Variants in RORA observed in about 807,000 individuals in gnomAD.
RORA encodes the protein nuclear receptor ROR-alpha.
Under a neutral mutation model 69.5 loss-of-function variants are expected in RORA, and 7 were observed. That is an observed-to-expected ratio of 0.10 (90% CI 0.06 to 0.19). The LOEUF (loss-of-function observed/expected upper bound fraction) is 0.19. Among genes scored for constraint, RORA ranks in the 10% least tolerant of loss-of-function variants. The pLI is 1.00. For missense variants in RORA, 457 were observed against 663.0 expected (o/e 0.69, Z 3.41); for synonymous variants, 261 against 240.8 (o/e 1.08, Z -0.78).
intron 1 of RORA, among the ~76,000 whole-genome samples, chr15:61,007,076 G>A (rs1894932740): frequency 6.6e-6 from 1 of 151,980 alleles, no homozygotes; most frequent in Admixed American, 6.5e-5. Flanking sequence ...CAAGCAGAAA[G>A]ACATAATTTT....
intron 1 of RORA, among the ~76,000 whole-genome samples, chr15:60,827,129 A>G (rs1214002448): frequency 6.6e-6 from 1 of 152,152 alleles, no homozygotes; most frequent in East Asian, 1.9e-4. Context: ...CCTCTTCCCA[A>G]TGTTTCTATT....
chr15:60,779,170 G>A (rs965711115), intron 1 of RORA, among the ~76,000 whole-genome samples: 63 of 152,160 alleles, frequency 4.1e-4, no homozygotes, highest in African/African-American at 1.5e-3. Flanking sequence ...GCTGTGCAAA[G>A]TGAAGGCTCA....
intron 1 of RORA, chr15:60,841,092 G>A (rs2073191686): frequency 1.0e-6 from 1 of 985,136 alleles, no homozygotes; most frequent in Non-Finnish European, 1.2e-6. Flanking sequence ...GACTCCCCGT[G>A]AGCATTTTTT....
chr15:61,019,141 G>A (rs1459332045), intron 1 of RORA, among the ~76,000 whole-genome samples: 1 of 152,172 alleles, frequency 6.6e-6, no homozygotes, highest in Non-Finnish European at 1.5e-5. Flanking sequence ...CACAAGAATT[G>A]CACTGGCTTC....
chr15:60,589,343 A>T lies in RORA; in HGVS notation c.197-57492T>A, dbSNP rs185677291. On this transcript the variant is annotated intron_variant, in intron 2 of 10. Coordinates refer to ENST00000335670, the MANE Select transcript of RORA (RefSeq NM_134261.3). Reference sequence around the variant, plus strand: ...ATGAATCAGGCCGGACGAAGAATCTACGGGCCAGAAATTCCCTTTAAGCCT... The same window carrying T: ...ATGAATCAGGCCGGACGAAGAATCTTCGGGCCAGAAATTCCCTTTAAGCCT... Among the ~76,000 whole-genome samples, 710 of 152,354 alleles carry T rather than the reference A, an allele frequency of 4.7e-3. 6 individuals are homozygous for T. Among genetic ancestry groups the T allele is most frequent in the South Asian group, 0.019 (92 of 4,826 alleles).
At chr15:60,609,544 C>G (rs2069035037) in intron 2 of RORA, among the ~76,000 whole-genome samples, 1 of 152,084 alleles carries the variant, frequency 6.6e-6, no homozygotes, top group African/African-American at 2.4e-5. Flanking sequence ...TGTGGAAAGT[C>G]CATAAGATGG....
chr15:60,521,389 G>T (rs966966612), intron 3 of RORA, among the ~76,000 whole-genome samples: 3 of 151,770 alleles, frequency 2.0e-5, no homozygotes, highest in Non-Finnish European at 4.4e-5. Context: ...CTACAGGCGT[G>T]CACCACCACA....
intron 1 of RORA, among the ~76,000 whole-genome samples, chr15:60,935,857 G>A (rs113428822): frequency 0.011 from 1,708 of 152,320 alleles, 20 homozygotes; most frequent in Non-Finnish European, 0.018. Flanking sequence ...TTCCTAAGAC[G>A]TGTATCTTCC....
Position 60,751,611 on chromosome 15 carries a change from G to A in RORA, c.167-72925C>T, listed in dbSNP as rs368036160. Among the ~76,000 whole-genome samples, 29 of 152,216 alleles carry A rather than the reference G, an allele frequency of 1.9e-4. No individual in the cohort carries two copies. In the East Asian group the frequency reaches 5.4e-3, roughly 28 times the overall value. On this transcript the variant is annotated intron_variant, in intron 1 of 10. Transcript: ENST00000335670. ...TGGGCAGCTGAGTGGTAGTGCTGGG[G>A]CCCAGATCCCAAATTCTGACTGCAG...
At chr15:61,189,495 C>T (rs944644075) in intron 1 of RORA, among the ~76,000 whole-genome samples, 5 of 152,058 alleles carry the variant, frequency 3.3e-5, no homozygotes, top group Non-Finnish European at 7.4e-5. Flanking sequence ...CCTGTGGGGC[C>T]AGCACAATGT....
At chr15:61,150,544 T>C (rs987405871) in intron 1 of RORA, among the ~76,000 whole-genome samples, 3 of 152,204 alleles carry the variant, frequency 2.0e-5, no homozygotes, top group African/African-American at 7.2e-5. Flanking sequence ...CAATTTCAAA[T>C]TGGAGTTAAA....
At chr15:60,973,222 C>G (rs1233832391) in intron 1 of RORA, among the ~76,000 whole-genome samples, 4 of 152,140 alleles carry the variant, frequency 2.6e-5, no homozygotes, top group African/African-American at 7.2e-5. Context: ...ATCTTAAAAT[C>G]ACAGGTTCAC....
rs896485630 is a variant in RORA, at chr15:60,531,521, G to A, written c.282+245C>T. The A allele has an allele frequency of 1.5e-5, 6 of 412,524 alleles. No homozygotes were observed. Among genetic ancestry groups the A allele is most frequent in the African/African-American group, 2.1e-5 (1 of 47,266 alleles). 25.6% of individuals were successfully genotyped at this position (412,524 alleles called of 1,614,324 possible). ...TGCTCATGAGTTCAACTCTGGGGTT[G>A]AAAGTGATAAACAAGCAATGCTCAA... On this transcript the variant is annotated intron_variant, in intron 3 of 10. Transcript: ENST00000335670. The surrounding 1 kb of genome is among the most constrained non-coding windows in gnomAD (Gnocchi z 4.8).
chr15:60,763,080 T>TA (rs1595695006), intron 1 of RORA, among the ~76,000 whole-genome samples: 3 of 123,990 alleles, frequency 2.4e-5, no homozygotes, highest in Non-Finnish European at 1.8e-5. Flanking sequence ...TTTTTTTTTT[T>TA]TTTTTTTTTT....
intron 1 of RORA, among the ~76,000 whole-genome samples, chr15:60,979,080 GC>G (rs1377709953): frequency 6.8e-6 from 1 of 147,508 alleles, no homozygotes. Context: ...TCCTGCCTCA[GC>G]CTCCTGAGTA....
intron 2 of RORA, among the ~76,000 whole-genome samples, chr15:60,540,455 G>A (rs999000889): frequency 6.6e-6 from 1 of 151,280 alleles, no homozygotes; most frequent in Non-Finnish European, 1.5e-5. Flanking sequence ...CTAAGCCTAC[G>A]AGAAAACCAC....
At chr15:61,142,892 T>C (rs193032335) in intron 1 of RORA, among the ~76,000 whole-genome samples, 1 of 152,244 alleles carries the variant, frequency 6.6e-6, no homozygotes, top group African/African-American at 2.4e-5. Context: ...TACACATGCA[T>C]CAGCTCAAAA....
chr15:61,065,652 C>T (rs149400873), intron 1 of RORA, among the ~76,000 whole-genome samples: 60 of 152,316 alleles, frequency 3.9e-4, no homozygotes, highest in African/African-American at 1.2e-3. Flanking sequence ...CCTGGATGTT[C>T]TACCTTTAAG....
intron 2 of RORA, among the ~76,000 whole-genome samples, chr15:60,598,095 C>T (rs2068736648): frequency 6.6e-6 from 1 of 151,972 alleles, no homozygotes; most frequent in Non-Finnish European, 1.5e-5. Context: ...CTTGTAGGGC[C>T]ACTAGGAGGA....
Sources: allele counts gnomAD v4.1 joint callset (sites outside exome capture counted in the v4.1 genomes callset), GRCh38; gene constraint gnomAD v4.1.1; non-coding constraint Gnocchi (gnomAD v3.1); transcripts MANE v1.5; gene names NCBI Gene and HGNC (gene_info 2026-07-23, HGNC 2026-07-21).